The following ERICH1 variants were observed in gnomAD, a reference collection of about 807,000 sequenced individuals.
ERICH1 encodes the protein glutamate rich 1, also known as glutamate-rich protein 1.
ERICH1 carries 56 observed loss-of-function variants against 39.6 expected under a neutral mutation model. The ratio of observed to expected loss-of-function variants is 1.41; its 90% CI spans 1.14 to 1.77. ERICH1 has a LOEUF of 1.77. Among genes scored for constraint, ERICH1 ranks in the 40% most tolerant of loss-of-function variants. ERICH1 has a pLI of 0.00. For synonymous variants in ERICH1, 313 were observed against 223.6 expected (o/e 1.40, Z -3.57); for missense variants, 826 against 575.4 (o/e 1.44, Z -4.45).
intron 2 of ERICH1, among the ~76,000 whole-genome samples, chr8:711,055 T>C (rs1814621460): frequency 6.6e-6 from 1 of 152,214 alleles, no homozygotes; most frequent in Non-Finnish European, 1.5e-5. Context: ...TCCATTCTAG[T>C]AGGTATGTGG....
At chr8:616,416 C>T (rs1192150176) in intron 3 of ERICH1, 1 of 404,538 alleles carries the variant, frequency 2.5e-6, no homozygotes, top group African/African-American at 2.1e-5. Context: ...GTGAGGCTGA[C>T]CGAACCCCGC....
intron 3 of ERICH1, chr8:640,713 A>G (rs1337582359): frequency 6.6e-6 from 1 of 152,160 alleles, no homozygotes; most frequent in African/African-American, 2.4e-5. Flanking sequence ...GTAGGTTATA[A>G]GATTCCTGAG....
intron 3 of ERICH1, among the ~76,000 whole-genome samples, chr8:682,952 T>G (rs960263372): frequency 1.3e-5 from 2 of 152,246 alleles, no homozygotes; most frequent in Non-Finnish European, 2.9e-5. Context: ...TCTTATCAAG[T>G]TGATCTAAAC....
intron 3 of ERICH1, among the ~76,000 whole-genome samples, chr8:617,457 G>C (rs1478702123): frequency 6.6e-6 from 1 of 152,214 alleles, no homozygotes; most frequent in Non-Finnish European, 1.5e-5. Flanking sequence ...CCACTGGGGA[G>C]TGCTGAGTGC....
At chr8:679,661 G>C (rs1435346211) in intron 3 of ERICH1, among the ~76,000 whole-genome samples, 1 of 152,220 alleles carries the variant, frequency 6.6e-6, no homozygotes, top group Non-Finnish European at 1.5e-5. Context: ...ATCTAAATCG[G>C]ATACCGGATA....
At chr8:694,250 G>A (rs1435971156) in intron 2 of ERICH1, among the ~76,000 whole-genome samples, 6 of 152,204 alleles carry the variant, frequency 3.9e-5, no homozygotes, top group Non-Finnish European at 5.9e-5. Context: ...CTGATTCACC[G>A]CAGCTGATTA....
chr8:668,350 G>T (rs1802602196), intron 5 of ERICH1: 1 of 544,880 alleles, frequency 1.8e-6, no homozygotes, highest in Non-Finnish European at 3.3e-6. Flanking sequence ...TTGGCTCCAA[G>T]AGTTGACAGC....
intron 3 of ERICH1, among the ~76,000 whole-genome samples, chr8:686,428 T>C (rs1232992457): frequency 6.6e-6 from 1 of 152,138 alleles, no homozygotes; most frequent in Non-Finnish European, 1.5e-5. Flanking sequence ...TTCTTTTCTT[T>C]TGTTTCTTCC....
chr8:681,981 T>G (rs112678038), intron 3 of ERICH1, among the ~76,000 whole-genome samples: 2,206 of 152,276 alleles, frequency 0.014, 59 homozygotes, highest in African/African-American at 0.05. Context: ...GTGGGTTGTT[T>G]AGCCAGACTC....
intron 3 of ERICH1, among the ~76,000 whole-genome samples, chr8:635,834 A>T (rs183443352): frequency 6.6e-5 from 10 of 152,280 alleles, no homozygotes; most frequent in African/African-American, 2.4e-4. Context: ...CGGTTGGCTC[A>T]CCAAAGTTTG....
intron 3 of ERICH1, among the ~76,000 whole-genome samples, chr8:650,864 G>C (rs962069904): frequency 6.6e-6 from 1 of 152,250 alleles, no homozygotes; most frequent in Non-Finnish European, 1.5e-5. Context: ...GTCCGACTGA[G>C]AGCCCTGGAG....
chr8:655,198 C>T (rs993037196), intron 3 of ERICH1, among the ~76,000 whole-genome samples: 2 of 152,206 alleles, frequency 1.3e-5, no homozygotes, highest in African/African-American at 2.4e-5. Context: ...TCTTCAGCTT[C>T]GCCTTTCTAA....
chr8:715,725 G>A (rs1293228113), intron 2 of ERICH1, 136 bp downstream of exon 2: 4 of 1,230,460 alleles, frequency 3.3e-6, no homozygotes, highest in African/African-American at 3.0e-5. Context: ...TGCCTGCCCT[G>A]CCCACCTGCT....
intron 3 of ERICH1, among the ~76,000 whole-genome samples, chr8:681,433 A>C (rs1806094515): frequency 6.6e-6 from 1 of 152,254 alleles, no homozygotes; most frequent in Non-Finnish European, 1.5e-5. Flanking sequence ...AACTGAGAGA[A>C]AAAGATGTTT....
intron 3 of ERICH1, chr8:616,615 G>C (rs181124600): frequency 0.019 from 8,644 of 455,384 alleles, 114 homozygotes; most frequent in African/African-American, 0.035. Flanking sequence ...AAGAGTGAGT[G>C]GGGAGAGGGA....
At chr8:650,599 G>A (rs1291201762) in intron 3 of ERICH1, among the ~76,000 whole-genome samples, 1 of 152,190 alleles carries the variant, frequency 6.6e-6, no homozygotes, top group Non-Finnish European at 1.5e-5. Context: ...GACCAGGGAG[G>A]AACCGGTGTC....
At chr8:625,739 C>A (rs866388250) in intron 3 of ERICH1, 2 of 152,180 alleles carry the variant, frequency 1.3e-5, no homozygotes, top group Non-Finnish European at 2.9e-5. Flanking sequence ...GCTTCTGAAC[C>A]GTGCACAGTT....
chr8:670,723 G>A (rs1803109945), intron 4 of ERICH1, among the ~76,000 whole-genome samples: 1 of 152,312 alleles, frequency 6.6e-6, no homozygotes, highest in South Asian at 2.1e-4. Context: ...GGGAAGCCAT[G>A]CAGTGTTGAG....
intron 5 of ERICH1, chr8:666,516 A>G (rs1802266127): frequency 6.6e-6 from 1 of 152,172 alleles, no homozygotes; most frequent in Non-Finnish European, 1.5e-5. Flanking sequence ...GAGCACTGCC[A>G]CCTTCCTGCT....
Sources: gnomAD v4.1 joint callset for allele counts (sites outside exome capture counted in the v4.1 genomes callset) on GRCh38, gnomAD v4.1.1 for gene constraint, MANE v1.5 for transcripts, NCBI Gene and HGNC (gene_info 2026-07-23, HGNC 2026-07-21) for gene names.